MAPKAP1: variants seen among roughly 807,000 people sequenced by gnomAD.
MAPKAP1 encodes target of rapamycin complex 2 subunit MAPKAP1.
MAPKAP1 carries 20 observed loss-of-function variants against 65.7 expected under a neutral mutation model. The observed-to-expected ratio is 0.30, with a 90% CI of 0.21 to 0.44. MAPKAP1 has a LOEUF of 0.44. MAPKAP1 is among the 20% of genes least tolerant of loss of function. The pLI, the probability that MAPKAP1 is intolerant of heterozygous loss-of-function variation, is 1.00. For synonymous variants in MAPKAP1, 222 were observed against 244.3 expected (o/e 0.91, Z 0.85); for missense variants, 423 against 648.0 (o/e 0.65, Z 3.77).
intron 10 of MAPKAP1, among the ~76,000 whole-genome samples, chr9:125,459,037 A>G (rs1290942846): frequency 1.7e-5 from 2 of 116,418 alleles, no homozygotes; most frequent in African/African-American, 7.0e-5. Flanking sequence ...TGCCGGGCGG[A>G]GGGGCTCCTC....
chr9:125,687,099 TAC>T (rs1333553654), intron 1 of MAPKAP1, among the ~76,000 whole-genome samples: 1 of 151,520 alleles, frequency 6.6e-6, no homozygotes, highest in African/African-American at 2.4e-5. Context: ...GTGCTGGGAT[TAC>T]AGGCCTGAGC....
chr9:125,678,248 TA>T (rs962671432), intron 1 of MAPKAP1, among the ~76,000 whole-genome samples: 1 of 147,614 alleles, frequency 6.8e-6, no homozygotes, highest in African/African-American at 2.5e-5. Flanking sequence ...ATTTTATTTT[TA>T]TTTATTTTTT....
chr9:125,557,101 CAG>C (rs1830757891), intron 6 of MAPKAP1, among the ~76,000 whole-genome samples: 1 of 152,104 alleles, frequency 6.6e-6, no homozygotes. Flanking sequence ...GATCAAAAAA[CAG>C]AGTATTAAGT....
Position 125,542,078 on chromosome 9 carries a change from T to G in MAPKAP1, c.958+981A>C, listed in dbSNP as rs78715270. Among the ~76,000 whole-genome samples the G allele has an allele frequency of 5.5e-4, 84 of 152,352 alleles. No homozygotes were observed. The East Asian group carries it at 0.015, about 27-fold the overall frequency. On this transcript the variant is annotated intron_variant, in intron 7 of 11. Transcript: ENST00000265960. ...CATCTCTCTCTCTCTCTCTTTTTTA[T>G]GAGAATCAGATTTTCATTGCTCCAT...
intron 1 of MAPKAP1, among the ~76,000 whole-genome samples, chr9:125,703,708 G>A (rs1456869810): frequency 6.6e-6 from 1 of 150,768 alleles, no homozygotes; most frequent in East Asian, 1.9e-4. Context: ...GGAGGCAGAG[G>A]TTGCAGTCAG....
At chr9:125,649,075 C>T (rs1238054281) in intron 4 of MAPKAP1, among the ~76,000 whole-genome samples, 6 of 152,152 alleles carry the variant, frequency 3.9e-5, no homozygotes, top group Non-Finnish European at 8.8e-5. Flanking sequence ...AAATCATGGC[C>T]TCATTCTTCG....
intron 4 of MAPKAP1, among the ~76,000 whole-genome samples, chr9:125,631,722 A>G (rs1379244647): frequency 1.3e-5 from 2 of 152,092 alleles, no homozygotes; most frequent in East Asian, 3.8e-4. Flanking sequence ...CAGCCTCCAC[A>G]TTCCAGTCAT....
At chr9:125,614,040 C>G (rs1010425767) in intron 4 of MAPKAP1, among the ~76,000 whole-genome samples, 1 of 152,080 alleles carries the variant, frequency 6.6e-6, no homozygotes, top group African/African-American at 2.4e-5. Context: ...CCTCGTGATC[C>G]ACCCGCCTCG....
chr9:125,631,126 C>T (rs1425695221), intron 4 of MAPKAP1, among the ~76,000 whole-genome samples: 1 of 151,812 alleles, frequency 6.6e-6, no homozygotes, highest in East Asian at 1.9e-4. Flanking sequence ...GATACCTCCC[C>T]GTGTCCTTCT....
At chr9:125,695,027 C>A (rs1190629023) in intron 1 of MAPKAP1, among the ~76,000 whole-genome samples, 1 of 152,090 alleles carries the variant, frequency 6.6e-6, no homozygotes, top group Non-Finnish European at 1.5e-5. Context: ...ATTTTTTATA[C>A]CAACAATGTG....
intron 8 of MAPKAP1, among the ~76,000 whole-genome samples, chr9:125,505,171 C>T (rs1169835237): frequency 6.6e-6 from 1 of 152,216 alleles, no homozygotes; most frequent in East Asian, 1.9e-4. Context: ...GTGGCTCACG[C>T]CTGTAATCCC....
chr9:125,458,302 A>C (rs1465868264), intron 10 of MAPKAP1, among the ~76,000 whole-genome samples: 1 of 149,956 alleles, frequency 6.7e-6, no homozygotes, highest in African/African-American at 2.5e-5. Flanking sequence ...TAGTGGAGGG[A>C]AGGTCAGCAG....
At chr9:125,554,631 T>A (rs1830683338) in intron 6 of MAPKAP1, among the ~76,000 whole-genome samples, 1 of 151,846 alleles carries the variant, frequency 6.6e-6, no homozygotes, top group Admixed American at 6.6e-5. Context: ...AGACCTTGTC[T>A]CTACTAAAAA....
intron 1 of MAPKAP1, among the ~76,000 whole-genome samples, chr9:125,688,633 G>C (rs986345621): frequency 6.6e-6 from 1 of 152,066 alleles, no homozygotes; most frequent in Admixed American, 6.5e-5. Flanking sequence ...GGCAGAGATG[G>C]GCGGATTGCT....
chr9:125,664,377 T>C (rs1475872043), intron 3 of MAPKAP1, among the ~76,000 whole-genome samples: 4 of 148,930 alleles, frequency 2.7e-5, no homozygotes, highest in African/African-American at 9.9e-5. Context: ...AAAAATAAAA[T>C]AACAGATTTA....
chr9:125,459,470 G>A (rs1177194237), intron 10 of MAPKAP1, among the ~76,000 whole-genome samples: 2 of 152,124 alleles, frequency 1.3e-5, no homozygotes, highest in East Asian at 3.9e-4. Flanking sequence ...AGGCGGCTGG[G>A]AGGTGGAGGT....
intron 7 of MAPKAP1, among the ~76,000 whole-genome samples, chr9:125,536,833 TAA>T (rs1830088041): frequency 6.6e-6 from 1 of 152,222 alleles, no homozygotes; most frequent in Admixed American, 6.5e-5. Flanking sequence ...CTACTCCATC[TAA>T]AATATATATG....
At chr9:125,646,982 TTATACAAA>T (rs1440675694) in intron 4 of MAPKAP1, among the ~76,000 whole-genome samples, 2 of 152,248 alleles carry the variant, frequency 1.3e-5, no homozygotes, top group Non-Finnish European at 2.9e-5. Flanking sequence ...AGACAGCGCC[TTATACAAA>T]CATCTGCCGG....
At chr9:125,540,668 AGC>A (rs1830217929) in intron 7 of MAPKAP1, among the ~76,000 whole-genome samples, 1 of 152,218 alleles carries the variant, frequency 6.6e-6, no homozygotes, top group Non-Finnish European at 1.5e-5. Context: ...GCAAACACTA[AGC>A]TGGTCATTGT....
Sources: gnomAD v4.1 joint callset for allele counts (sites outside exome capture counted in the v4.1 genomes callset) on GRCh38, gnomAD v4.1.1 for gene constraint, MANE v1.5 for transcripts, NCBI Gene and HGNC (gene_info 2026-07-23, HGNC 2026-07-21) for gene names.